The following ARHGAP8 variants were observed in gnomAD, a reference collection of about 807,000 sequenced individuals.
ARHGAP8 encodes the protein Rho GTPase activating protein 8, also known as rho GTPase-activating protein 8.
A neutral mutation model predicts 46.1 loss-of-function variants in ARHGAP8; 62 were observed. The observed-to-expected ratio is 1.34, with a 90% CI of 1.10 to 1.66. ARHGAP8 has a LOEUF of 1.66. ARHGAP8 is among the 40% of genes most tolerant of loss of function. ARHGAP8 has a pLI of 0.00. For synonymous variants in ARHGAP8, 375 were observed against 243.1 expected (o/e 1.54, Z -5.05); for missense variants, 923 against 568.4 (o/e 1.62, Z -6.34).
intron 2 of ARHGAP8, among the ~76,000 whole-genome samples, chr22:44,793,235 C>T: frequency 6.6e-6 from 1 of 152,228 alleles, no homozygotes; most frequent in East Asian, 1.9e-4. Context: ...GCTGGGAGCT[C>T]AGAGTGGAGA....
At chr22:44,820,855 G>A (rs1020411626) in intron 5 of ARHGAP8, among the ~76,000 whole-genome samples, 3 of 151,996 alleles carry the variant, frequency 2.0e-5, no homozygotes, top group African/African-American at 7.3e-5. Flanking sequence ...ACCACCTGGC[G>A]CTGGTGCTGG....
At chr22:44,855,200 A>G (rs1374018091) in intron 10 of ARHGAP8, among the ~76,000 whole-genome samples, 1 of 152,142 alleles carries the variant, frequency 6.6e-6, no homozygotes, top group Non-Finnish European at 1.5e-5. Context: ...TAGACATAAC[A>G]TAGATCTGCA....
intron 3 of ARHGAP8, among the ~76,000 whole-genome samples, chr22:44,807,860 C>A (rs1929043052): frequency 6.6e-6 from 1 of 152,192 alleles, no homozygotes; most frequent in Admixed American, 6.5e-5. Flanking sequence ...TTGCCTCCGT[C>A]TTTACGTGAC....
intron 2 of ARHGAP8, 118 bp from the exon 3 acceptor site, chr22:44,801,959 C>T: frequency 2.5e-6 from 3 of 1,204,160 alleles, no homozygotes; most frequent in Non-Finnish European, 2.4e-6. Flanking sequence ...CCGAGGAACG[C>T]TGCTGCCTGT....
intron 7 of ARHGAP8, among the ~76,000 whole-genome samples, chr22:44,828,951 CTT>C (rs940773847): frequency 2.6e-5 from 4 of 151,962 alleles, no homozygotes; most frequent in African/African-American, 9.7e-5. Flanking sequence ...CCACTTCTCT[CTT>C]CTTATCATCT....
chr22:44,859,752 T>C lies in ARHGAP8; in HGVS notation c.899T>C (p.Val300Ala). ...CCAGGTGTGGAGAGCAGCCTGCGTG[T>C]CACTGGCTGCCGCCAGATCTTACGG... ...GITCVESSLR[V>A]TGCRQILRSL... Residue 300 changes from valine (V) to alanine (A), a missense_variant, in exon 11 of 12, where the codon GTC becomes GCC. Val to Ala is a moderately conservative substitution (Grantham distance 64). Coordinates refer to ENST00000356099, the MANE Select transcript of ARHGAP8 (RefSeq NM_181335.3). 1 of 1,613,918 alleles carries C rather than the reference T, an allele frequency of 6.2e-7. No individual in the cohort carries two copies. The highest frequency in any genetic ancestry group is 2.2e-5 in the East Asian group (1 of 44,888).
chr22:44,862,060 T>C (rs1208815875), intron 11 of ARHGAP8, among the ~76,000 whole-genome samples: 1 of 152,178 alleles, frequency 6.6e-6, no homozygotes. Context: ...CAGAGGGTCC[T>C]CCAGGACATG....
intron 4 of ARHGAP8, chr22:44,809,131 T>G (rs1929158461): frequency 2.1e-6 from 1 of 470,860 alleles, no homozygotes; most frequent in African/African-American, 2.0e-5. Flanking sequence ...AACACTCTTG[T>G]TCTTAAAGGG....
At chr22:44,772,328 CT>C (rs1160266112) in intron 1 of ARHGAP8, among the ~76,000 whole-genome samples, 47 of 83,020 alleles carry the variant, frequency 5.7e-4, no homozygotes, top group African/African-American at 1.9e-3. Context: ...CACTGATTGA[CT>C]TTTTTTTTGT....
chr22:44,837,552 T>C (rs963898748), intron 7 of ARHGAP8, among the ~76,000 whole-genome samples: 9 of 152,120 alleles, frequency 5.9e-5, no homozygotes, highest in African/African-American at 2.2e-4. Flanking sequence ...GAACGTGGTG[T>C]GATACGATTC....
Position 44,859,825 on chromosome 22 carries a change from C to T in ARHGAP8, c.972C>T (p.Phe324=), listed in dbSNP as rs1432835889. 5 of 1,613,702 alleles carry T rather than the reference C, an allele frequency of 3.1e-6. No homozygotes were observed. Among genetic ancestry groups the T allele is most frequent in the African/African-American group, 2.7e-5 (2 of 74,940 alleles). Residue 324 remains phenylalanine, a synonymous_variant, in exon 11 of 12, where the codon TTC becomes TTT. Transcript: ENST00000356099. ...NYVVLRYLMG[F]LHAVSRESIF... Reference sequence around the variant, plus strand: ...TCGTCCTCCGCTACCTCATGGGCTTCCTGCATGCGGTGAGTGGGGAAGGGG... The same window carrying T: ...TCGTCCTCCGCTACCTCATGGGCTTTCTGCATGCGGTGAGTGGGGAAGGGG...
chr22:44,809,966 G>A (rs1234404915), intron 4 of ARHGAP8, among the ~76,000 whole-genome samples: 1 of 152,162 alleles, frequency 6.6e-6, no homozygotes, highest in East Asian at 1.9e-4. Context: ...CTTAGGGAAA[G>A]AATTGTTGCT....
chr22:44,802,970 G>A (rs1488386183), intron 3 of ARHGAP8, among the ~76,000 whole-genome samples: 1 of 148,538 alleles, frequency 6.7e-6, no homozygotes, highest in Non-Finnish European at 1.5e-5. Flanking sequence ...TCAAACCCAG[G>A]ACAGAAGACA....
In ARHGAP8 at chr22:44,838,699, G is replaced by C. The variant is rs115480230; in HGVS notation, c.597-6570G>C. On this transcript the variant is annotated intron_variant, in intron 7 of 11. Transcript: ENST00000356099. Reference sequence around the variant, plus strand: ...TAGGACTCAGTGGGTCTCCCTCCCCGGGAACAGTAGCCAGCCAGGGCTTTG... The same window carrying C: ...TAGGACTCAGTGGGTCTCCCTCCCCCGGAACAGTAGCCAGCCAGGGCTTTG... Among the ~76,000 whole-genome samples, 309 of 152,172 alleles carry C rather than the reference G, an allele frequency of 2.0e-3. 1 individual carries two copies. The highest frequency in any genetic ancestry group is 7.2e-3 in the African/African-American group (299 of 41,538).
Position 44,862,744 on chromosome 22 carries a change from T to G in ARHGAP8, c.*149T>G. ...AACTCCATGCCTCTGGTCCTTGGAC[T>G]CTTGTCCATGGTTCCTGAGCTGTGG... On this transcript the variant is annotated 3_prime_UTR_variant, in exon 12 of 12. Transcript: ENST00000356099. 1.0e-6 allele frequency: 1 copy of G among 962,096 alleles called. No homozygotes were observed. Among genetic ancestry groups the G allele is most frequent in the Non-Finnish European group, 1.5e-6 (1 of 681,930 alleles). The allele number at this position is 962,096 out of a possible 1,614,324, so 59.6% of individuals were successfully genotyped here.
chr22:44,778,110 G>A (rs1926558841), intron 1 of ARHGAP8, among the ~76,000 whole-genome samples: 2 of 151,874 alleles, frequency 1.3e-5, no homozygotes, highest in South Asian at 4.2e-4. Flanking sequence ...TGATTTGTGA[G>A]ATTTGGGTGC....
chr22:44,860,951 T>TC (rs1333905492), intron 11 of ARHGAP8, among the ~76,000 whole-genome samples: 4 of 151,706 alleles, frequency 2.6e-5, no homozygotes, highest in Non-Finnish European at 4.4e-5. Context: ...CAATTTTTTT[T>TC]CTCCCTGTTG....
chr22:44,775,083 C>T (rs1220894325), intron 1 of ARHGAP8, among the ~76,000 whole-genome samples: 5 of 152,184 alleles, frequency 3.3e-5, no homozygotes, highest in Non-Finnish European at 5.9e-5. Context: ...CCACCTGCCT[C>T]GGCTTCCCAA....
chr22:44,821,297 G>A (rs918513063), intron 5 of ARHGAP8, among the ~76,000 whole-genome samples: 8 of 152,020 alleles, frequency 5.3e-5, no homozygotes, highest in African/African-American at 1.9e-4. Context: ...AGGCGTGGTG[G>A]TGTGCACCTT....
Sources: gnomAD v4.1 joint callset for allele counts (sites outside exome capture counted in the v4.1 genomes callset) on GRCh38, gnomAD v4.1.1 for gene constraint, MANE v1.5 for transcripts, NCBI Gene and HGNC (gene_info 2026-07-23, HGNC 2026-07-21) for gene names.